The following ADAMTS1 variants were observed in gnomAD, a reference collection of about 807,000 sequenced individuals.
The protein encoded by ADAMTS1 is ADAM metallopeptidase with thrombospondin type 1 motif 1.
A neutral mutation model predicts 87.9 loss-of-function variants in ADAMTS1; 19 were observed. That is an observed-to-expected ratio of 0.22 (90% confidence interval 0.15 to 0.32). The LOEUF is 0.32. Among genes scored for constraint, ADAMTS1 ranks in the 10% least tolerant of loss-of-function variants. The probability of loss-of-function intolerance (pLI) is 1.00; values close to 1 mark genes in which losing one functional copy is unlikely to be tolerated. For missense variants in ADAMTS1, 1,240 were observed against 1,259.1 expected (o/e 0.98, Z 0.23); for synonymous variants, 542 against 501.8 (o/e 1.08, Z -1.07).
rs768748869 is a variant in ADAMTS1 at position 26,839,900 on chromosome 21, G to T, written c.1827C>A (p.Asn609Lys). The T allele has an allele frequency of 1.9e-5, 31 of 1,613,854 alleles. No homozygotes were observed. The highest frequency in any genetic ancestry group is 3.3e-4 in the Middle Eastern group (2 of 6,084). The part of the protein sequence containing the change: ...EGKRVRYRSC[N>K]LEDCPDNNGK... ...CATTATTGTCTGGACAGTCCTCAAG[G>T]TTACAGGATCTGTAGCGCACTCGTT... Residue 609 changes from asparagine (N) to lysine (K), a missense_variant, in exon 6 of 9, where the codon AAC becomes AAA. By Grantham distance (94) the Asn-to-Lys change is moderately conservative. Coordinates refer to ENST00000284984, the MANE Select transcript of ADAMTS1 (RefSeq NM_006988.5).
intron 6 of ADAMTS1, 39 bp from the exon 7 acceptor site, chr21:26,839,801 A>T: frequency 6.2e-7 from 1 of 1,603,894 alleles, no homozygotes; most frequent in Non-Finnish European, 8.5e-7. Context: ...TCAGTTTCCA[A>T]TCTTGAGCCA....
At position 26,836,628 on chromosome 21, in the gene ADAMTS1, C is replaced by T. The variant is rs1244562010; in HGVS notation, c.*951G>A. On this transcript the variant is annotated 3_prime_UTR_variant, in exon 9 of 9. Coordinates refer to ENST00000284984, the MANE Select transcript of ADAMTS1 (RefSeq NM_006988.5). ...CTGCTACCCCTCAGCAGCCTCCCCA[C>T]CACAAGACAAGTGATCTCAATGTCC... The T allele has an allele frequency of 6.6e-6, 1 of 152,634 alleles. No homozygotes were observed. The highest frequency in any genetic ancestry group is 6.6e-5 in the Admixed American group (1 of 15,266). 9.5% of individuals were successfully genotyped at this position (152,634 alleles called of 1,614,324 possible).
rs755188621 is a variant in ADAMTS1, at chr21:26,842,363, G to C, written c.1053C>G (p.Asp351Glu). 9 of 1,614,098 alleles carry C rather than the reference G, an allele frequency of 5.6e-6. No homozygotes were observed. The Admixed American group carries it at 1.5e-4, about 27-fold the overall frequency. The change falls in exon 2 of 9, where the codon GAC becomes GAG. Residue 351 changes from aspartate to glutamate, a missense_variant. Physicochemically the swap from Asp to Glu is conservative, Grantham distance 45 (BLOSUM62 2). Around this residue, in one of 3 missense-constraint regions of ADAMTS1, gnomAD observed 317 missense variants for 410.3 expected, o/e 0.77. Transcript: ENST00000284984. ...CCTGTCTGGTGAAAAGAATTGCTGT[G>C]TCATAGTGCTCTGCATCCCGGTCAC... ...PPSDRDAEHYDTAILFTRQDL... is the reference protein window; with the variant it reads ...PPSDRDAEHYETAILFTRQDL...
At chr21:26,842,902 T>A in intron 1 of ADAMTS1, 1 of 564,648 alleles carries the variant, frequency 1.8e-6, no homozygotes, top group East Asian at 3.0e-5. Context: ...CTTTGCATGG[T>A]CAGGATCTTT....
At chr21:26,844,186 G>A in intron 1 of ADAMTS1, 39 bp downstream of exon 1, 6 of 1,516,546 alleles carry the variant, frequency 4.0e-6, no homozygotes, top group Non-Finnish European at 5.3e-6. Context: ...GTGAGGAGAG[G>A]AGGATGAATG....
intron 7 of ADAMTS1, chr21:26,838,940 G>A (rs886898711): frequency 3.2e-5 from 7 of 215,588 alleles, no homozygotes; most frequent in Non-Finnish European, 9.3e-6. Flanking sequence ...TCTGGCAAGA[G>A]TAAGTGCTTC....
Position 26,844,370 on chromosome 21 carries a change from G to A in ADAMTS1, c.585C>T (p.Gly195=). The change falls in exon 1 of 9, where the codon GGC becomes GGT. Residue 195 remains glycine (G), a synonymous_variant. Coordinates refer to ENST00000284984, the MANE Select transcript of ADAMTS1 (RefSeq NM_006988.5). ...LLRRNRQGDV[G]GTCGVVDDEP... The stretch of plus-strand genomic sequence containing the variant: ...CGTCGTCCACGACCCCGCACGTGCC[G>A]CCGACGTCGCCCTGCCGATTCCGCC... 6.3e-7 allele frequency: 1 copy of A among 1,592,968 alleles called. No homozygotes were observed.
chr21:26,844,504 G>C lies in ADAMTS1; in HGVS notation c.451C>G (p.Leu151Val). The C allele has an allele frequency of 1.3e-6, 2 of 1,596,154 alleles. No homozygotes were observed. Among genetic ancestry groups the C allele is most frequent in the South Asian group, 1.1e-5 (1 of 88,856 alleles). Reference protein sequence around the residue: ...LCEGVRGAFYLLGEAYFIQPL... With the variant: ...LCEGVRGAFYVLGEAYFIQPL... Reference sequence around the variant, plus strand: ...TGGATGAAATACGCCTCCCCCAGCAGGTAGAAGGCGCCGCGCACGCCCTCG... The same window carrying C: ...TGGATGAAATACGCCTCCCCCAGCACGTAGAAGGCGCCGCGCACGCCCTCG... Residue 151 changes from leucine to valine, a missense_variant, in exon 1 of 9, where the codon CTG (leucine) becomes GTG (valine). By Grantham distance (32) the Leu-to-Val change is conservative. Coordinates refer to ENST00000284984, the MANE Select transcript of ADAMTS1 (RefSeq NM_006988.5).
rs1985374548 is a variant in ADAMTS1 at position 26,836,868 on chromosome 21, T to C, written c.*711A>G. The C allele has an allele frequency of 1.3e-5, 2 of 152,240 alleles. No individual in the cohort carries two copies. The highest frequency in any genetic ancestry group is 4.1e-4 in the South Asian group (2 of 4,832). The allele number at this position is 152,240 out of a possible 1,614,324, so 9.4% of individuals were successfully genotyped here. On this transcript the variant is annotated 3_prime_UTR_variant, in exon 9 of 9. Coordinates refer to ENST00000284984, the MANE Select transcript of ADAMTS1 (RefSeq NM_006988.5). Reference sequence around the variant, plus strand: ...CAGCATCTAATGCTTCACTGCTTTTTTTCCATTGTAGACTTTAATGCACTT... The same window carrying C: ...CAGCATCTAATGCTTCACTGCTTTTCTTCCATTGTAGACTTTAATGCACTT...
At position 26,845,125 on chromosome 21, in the gene ADAMTS1, A is replaced by G; in HGVS notation, c.-171T>C. ...TACAGCCGAAGCTCCCGGAGTCACT[A>G]AAAGGAGGCGCTGCAGTTCTGCCGG... On this transcript the variant is annotated 5_prime_UTR_variant, in exon 1 of 9. Coordinates refer to ENST00000284984, the MANE Select transcript of ADAMTS1 (RefSeq NM_006988.5). 1.0e-6 allele frequency: 1 copy of G among 967,790 alleles called. No individual in the cohort carries two copies. Among genetic ancestry groups the G allele is most frequent in the Non-Finnish European group, 1.4e-6 (1 of 736,466 alleles). 60.0% of individuals were successfully genotyped at this position (967,790 alleles called of 1,614,324 possible).
At chr21:26,840,593 C>T in intron 4 of ADAMTS1, 31 bp from the exon 5 acceptor site, 1 of 1,605,816 alleles carries the variant, frequency 6.2e-7, no homozygotes, top group Non-Finnish European at 8.5e-7. Flanking sequence ...AATATCAATA[C>T]AGAGTTAGTG....
chr21:26,838,032 G>C lies in ADAMTS1; in HGVS notation c.2451C>G (p.Leu817=). Reference sequence around the variant, plus strand: ...GAACCTGGATGGTCAAGGGCTCTTTGAGAGGGCTAAAGCTGCGAATTCTTT... The same window carrying C: ...GAACCTGGATGGTCAAGGGCTCTTTCAGAGGGCTAAAGCTGCGAATTCTTT... ...ALERIRSFSP[L]KEPLTIQVLT... Residue 817 remains leucine (L), a synonymous_variant, in exon 9 of 9, where the codon CTC becomes CTG. Coordinates refer to ENST00000284984, the MANE Select transcript of ADAMTS1 (RefSeq NM_006988.5). 1 of 1,614,214 alleles carries C rather than the reference G, an allele frequency of 6.2e-7. No individual in the cohort carries two copies. Among genetic ancestry groups the C allele is most frequent in the Non-Finnish European group, 8.5e-7 (1 of 1,180,036 alleles).
In ADAMTS1 at chr21:26,837,856, C is replaced by G. The variant is rs1159143318; in HGVS notation, c.2627G>C (p.Arg876Thr). 1 of 1,614,222 alleles carries G rather than the reference C, an allele frequency of 6.2e-7. No homozygotes were observed. Among genetic ancestry groups the G allele is most frequent in the South Asian group, 1.1e-5 (1 of 91,086 alleles). The change falls in exon 9 of 9, where the codon AGA (arginine) becomes ACA (threonine). Residue 876 changes from arginine to threonine, a missense_variant. Transcript: ENST00000284984. ...CSKSCELGWQ[R>T]RLVECRDING... is the part of the protein sequence containing the mutation. The stretch of plus-strand genomic sequence containing the variant: ...AATGTCTCGGCATTCTACCAGTCTT[C>G]TCTGCCAACCCAATTCACATGACTT...
In ADAMTS1 at chr21:26,842,670, C is replaced by T; in HGVS notation, c.746G>A (p.Arg249Lys). The T allele has an allele frequency of 6.2e-7, 1 of 1,612,632 alleles. No homozygotes were observed. Among genetic ancestry groups the T allele is most frequent in the Non-Finnish European group, 8.5e-7 (1 of 1,179,440 alleles). Residue 249 changes from arginine to lysine, a missense_variant, in exon 2 of 9, where the codon AGA becomes AAA. Arg to Lys is a conservative substitution (Grantham distance 26). This residue lies in a region of ADAMTS1 where 521 missense variants were observed against 449.7 expected (regional missense o/e 1.16). Coordinates refer to ENST00000284984, the MANE Select transcript of ADAMTS1 (RefSeq NM_006988.5). ...VGQPTGTGSI[R>K]KKRFVSSHRY... Reference sequence around the variant, plus strand: ...GTGACTGGACACAAATCGCTTCTTTCTTATGCTTCCAGTTCCTGTAAAGAA... The same window carrying T: ...GTGACTGGACACAAATCGCTTCTTTTTTATGCTTCCAGTTCCTGTAAAGAA...
Position 26,839,567 on chromosome 21 carries a change from A to G in ADAMTS1, c.2028+20T>C. ...CCCAGGCCTTGATTTTTAGGTAAAA[A>G]TAAGGTAAAAACGAACTACCTTGGG... is the stretch of plus-strand genomic sequence containing the variant. On this transcript the variant is annotated intron_variant, in intron 7 of 8. Coordinates refer to ENST00000284984, the MANE Select transcript of ADAMTS1 (RefSeq NM_006988.5). The G allele has an allele frequency of 6.6e-7, 1 of 1,512,738 alleles. No homozygotes were observed. Among genetic ancestry groups the G allele is most frequent in the Non-Finnish European group, 8.9e-7 (1 of 1,125,786 alleles). 93.7% of individuals were successfully genotyped at this position (1,512,738 alleles called of 1,614,324 possible).
At position 26,838,042 on chromosome 21, in the gene ADAMTS1, A is replaced by G; in HGVS notation, c.2441T>C (p.Phe814Ser). ...GGTCAAGGGCTCTTTGAGAGGGCTA[A>G]AGCTGCGAATTCTTTCCAATGCCGC... Reference protein sequence around the residue: ...SSAALERIRSFSPLKEPLTIQ... With the variant: ...SSAALERIRSSSPLKEPLTIQ... The change falls in exon 9 of 9, where the codon TTT (phenylalanine) becomes TCT (serine). Residue 814 changes from phenylalanine (F) to serine (S), a missense_variant. Phe to Ser is a radical substitution (Grantham distance 155, BLOSUM62 -2). Coordinates refer to ENST00000284984, the MANE Select transcript of ADAMTS1 (RefSeq NM_006988.5). 2 of 1,614,202 alleles carry G rather than the reference A, an allele frequency of 1.2e-6. No individual in the cohort carries two copies. The highest frequency in any genetic ancestry group is 1.7e-6 in the Non-Finnish European group (2 of 1,180,038).
chr21:26,838,299 C>T (rs748093865), intron 8 of ADAMTS1, 21 bp from the exon 9 acceptor site: 6 of 1,585,458 alleles, frequency 3.8e-6, no homozygotes, highest in African/African-American at 1.4e-5. Flanking sequence ...CAAAAACAGG[C>T]ATAAATCTCT....
At chr21:26,841,722 A>T in intron 3 of ADAMTS1, 136 bp downstream of exon 3, 1 of 1,020,740 alleles carries the variant, frequency 9.8e-7, no homozygotes, top group Non-Finnish European at 1.4e-6. Flanking sequence ...TGAAATAGTG[A>T]CAAAATATTT....
rs915137453 is a variant in ADAMTS1 at position 26,836,973 on chromosome 21, A to G, written c.*606T>C. On this transcript the variant is annotated 3_prime_UTR_variant, in exon 9 of 9. Coordinates refer to ENST00000284984, the MANE Select transcript of ADAMTS1 (RefSeq NM_006988.5). The stretch of plus-strand genomic sequence containing the variant: ...GAGATGGTCCAAAAAAGGAAAGAGG[A>G]AGCCATTTGCGTTATTTCACGTTGC... 2.6e-5 allele frequency: 4 copies of G among 152,348 alleles called. No individual in the cohort carries two copies. The highest frequency in any genetic ancestry group is 9.6e-5 in the African/African-American group (4 of 41,454). 9.4% of individuals were successfully genotyped at this position (152,348 alleles called of 1,614,324 possible). A position where few individuals can be genotyped will look rare whatever the true frequency, so the allele number is the denominator to read the frequency against.
Sources: allele counts gnomAD v4.1 joint callset, GRCh38; gene constraint gnomAD v4.1.1; regional missense constraint gnomAD v4.1.1; transcripts MANE v1.5; gene names NCBI Gene and HGNC (gene_info 2026-07-23, HGNC 2026-07-21).